The following DNPEP variants were observed in gnomAD, a reference collection of about 807,000 sequenced individuals.
The protein encoded by DNPEP is aspartyl aminopeptidase.
Under a neutral mutation model 59.1 loss-of-function variants are expected in DNPEP, and 46 were observed. That is an observed-to-expected ratio of 0.78 (90% confidence interval 0.61 to 0.99). The LOEUF (loss-of-function observed/expected upper bound fraction) is 0.99, where lower values mean the gene tolerates loss of function less well. Ranked by LOEUF, DNPEP falls within the 50% of genes least tolerant of loss-of-function variation. The pLI, the probability that DNPEP is intolerant of heterozygous loss-of-function variation, is 0.00. For missense variants in DNPEP, 617 were observed against 649.9 expected (o/e 0.95, Z 0.55); for synonymous variants, 229 against 242.2 (o/e 0.95, Z 0.50).
chr2:219,374,897 C>T lies in DNPEP; in HGVS notation c.1365G>A (p.Met455Ile), dbSNP rs1574967313. The change falls in exon 14 of 15, where the codon ATG becomes ATA. Residue 455 changes from methionine to isoleucine, a missense_variant. Transcript: ENST00000273075. ...TCTGGAGGACTCCTGTGGTGCAGGC[C>T]ATCTCCCGGATAGAGTGCATGGCCA... is the stretch of plus-strand genomic sequence containing the variant. ...PQLAMHSIRE[M>I]ACTTGVLQTL... 2.5e-6 allele frequency: 4 copies of T among 1,614,184 alleles called. No homozygotes were observed. The highest frequency in any genetic ancestry group is 3.4e-6 in the Non-Finnish European group (4 of 1,180,030).
At chr2:219,384,501 T>C in intron 8 of DNPEP, 58 bp from the exon 9 acceptor site, 1 of 1,474,156 alleles carries the variant, frequency 6.8e-7, no homozygotes, top group South Asian at 1.2e-5. Flanking sequence ...TCACCTTTCT[T>C]TTGCTCCCAA....
At chr2:219,398,751 C>G (rs1954138275) in intron 1 of DNPEP, among the ~76,000 whole-genome samples, 1 of 152,222 alleles carries the variant, frequency 6.6e-6, no homozygotes, top group Admixed American at 6.5e-5. Context: ...TGAGGGTTTT[C>G]AGGCCCTGTG....
chr2:219,386,870 A>ACCCCC, intron 3 of DNPEP, 22 bp downstream of exon 3: 2 of 1,431,924 alleles, frequency 1.4e-6, no homozygotes, highest in Non-Finnish European at 2.0e-6. Flanking sequence ...CTGCCTTTCC[A>ACCCCC]CCCCCACCCC....
chr2:219,378,162 GTAAATTATTA>G (rs1953448604), intron 13 of DNPEP, among the ~76,000 whole-genome samples: 1 of 152,178 alleles, frequency 6.6e-6, no homozygotes, highest in African/African-American at 2.4e-5. Context: ...TACTTCTGCT[GTAAATTATTA>G]AAGAAAAATC....
upstream of DNPEP, chr2:219,388,047 C>A: frequency 1.3e-6 from 1 of 762,918 alleles, no homozygotes; most frequent in Non-Finnish European, 1.8e-6. Flanking sequence ...TCGCTGGGCA[C>A]CACCACCCGC....
Position 219,373,087 on chromosome 2 carries a change from T to G in DNPEP, c.*1205A>C. On this transcript the variant is annotated 3_prime_UTR_variant, in exon 15 of 15. Coordinates refer to ENST00000273075, the MANE Select transcript of DNPEP (RefSeq NM_012100.4). ...CTTTTTCTTTTTCTTTTTTTTTTTTTGAGAGAGTTTCACCCTTGTTGCCCA... is the reference window on the plus strand; with the variant it reads ...CTTTTTCTTTTTCTTTTTTTTTTTTGGAGAGAGTTTCACCCTTGTTGCCCA... Among the ~76,000 whole-genome samples, 2 of 151,744 alleles carry G rather than the reference T, an allele frequency of 1.3e-5. No individual in the cohort carries two copies. The highest frequency in any genetic ancestry group is 3.9e-4 in the East Asian group (2 of 5,160).
rs141624834 is a variant in DNPEP at position 219,374,409 on chromosome 2, C to A, written c.1408-67G>T. 3.0e-4 allele frequency: 429 copies of A among 1,410,862 alleles called. 1 individual carries two copies. In the African/African-American group the frequency reaches 5.4e-3, roughly 18 times the overall value. The allele number at this position is 1,410,862 out of a possible 1,614,324, so 87.4% of individuals were successfully genotyped here. ...CCAGATGGAGATGTCCTGCCACCCA[C>A]CTCCCACCAACATATGTTCCAGCAA... On this transcript the variant is annotated intron_variant, in intron 14 of 14. Transcript: ENST00000273075.
chr2:219,395,109 C>A (rs1385670386), intron 1 of DNPEP, among the ~76,000 whole-genome samples: 1 of 152,044 alleles, frequency 6.6e-6, no homozygotes, highest in Non-Finnish European at 1.5e-5. Context: ...CCACCATGCC[C>A]AGCTAATTTT....
At chr2:219,376,767 G>T (rs527550337) in intron 13 of DNPEP, among the ~76,000 whole-genome samples, 3 of 152,162 alleles carry the variant, frequency 2.0e-5, no homozygotes, top group Non-Finnish European at 2.9e-5. Context: ...AAGGATTATT[G>T]TAAGTGTTAA....
chr2:219,385,301 G>A (rs1013041281), intron 8 of DNPEP, 123 bp downstream of exon 8: 10 of 645,712 alleles, frequency 1.5e-5, no homozygotes, highest in Admixed American at 2.7e-5. Flanking sequence ...TGTCTACTGG[G>A]AAAAACGGGG....
At chr2:219,395,282 G>A (rs1283049141) in intron 1 of DNPEP, among the ~76,000 whole-genome samples, 1 of 152,154 alleles carries the variant, frequency 6.6e-6, no homozygotes, top group East Asian at 1.9e-4. Context: ...TTACATACAA[G>A]ATGGTCCAGT....
At chr2:219,378,971 G>A (rs947544030) in intron 13 of DNPEP, among the ~76,000 whole-genome samples, 8 of 152,324 alleles carry the variant, frequency 5.3e-5, no homozygotes, top group Non-Finnish European at 1.2e-4. Context: ...AGGCTGGAGT[G>A]CAATGGCACC....
rs781201677 is a variant in DNPEP at position 219,382,074 on chromosome 2, T to C, written c.1002A>G (p.Ser334=). Residue 334 remains serine (S), a synonymous_variant, in exon 11 of 15, where the codon TCA becomes TCG. Coordinates refer to ENST00000273075, the MANE Select transcript of DNPEP (RefSeq NM_012100.4). ...AGGCTGTCGGGTGCTGGCACGAGGCTGAGATCCGCCGCAGCACCAGCTCTG... is the reference window on the plus strand; with the variant it reads ...AGGCTGTCGGGTGCTGGCACGAGGCCGAGATCCGCCGCAGCACCAGCTCTG... ...LLTELVLRRI[S]ASCQHPTAFE... 6 of 1,613,428 alleles carry C rather than the reference T, an allele frequency of 3.7e-6. No homozygotes were observed. The highest frequency in any genetic ancestry group is 2.7e-5 in the African/African-American group (2 of 74,926).
chr2:219,391,912 A>G (rs1954022534), upstream of DNPEP, among the ~76,000 whole-genome samples: 2 of 152,110 alleles, frequency 1.3e-5, no homozygotes, highest in Admixed American at 1.3e-4. Flanking sequence ...ATTGTTACAG[A>G]AAAGAATTCC....
At chr2:219,376,242 C>G (rs146580499) in intron 13 of DNPEP, among the ~76,000 whole-genome samples, 68 of 152,284 alleles carry the variant, frequency 4.5e-4, no homozygotes, top group African/African-American at 1.6e-3. Flanking sequence ...AATCCCAGCA[C>G]TTTGGGAGGC....
chr2:219,386,350 C>G lies in DNPEP; in HGVS notation c.395G>C (p.Gly132Ala). The part of the protein sequence containing the change: ...GFQQVGVETY[G>A]GGIWSTWFDR... ...AAACCAGGTGCTCCAGATCCCACCACCATAGGTCTCCACACCGACTTGCTG... is the reference window on the plus strand; with the variant it reads ...AAACCAGGTGCTCCAGATCCCACCAGCATAGGTCTCCACACCGACTTGCTG... Residue 132 changes from glycine to alanine, a missense_variant, in exon 5 of 15, where the codon GGT becomes GCT. By Grantham distance (60) the Gly-to-Ala change is moderately conservative. Coordinates refer to ENST00000273075, the MANE Select transcript of DNPEP (RefSeq NM_012100.4). 6.2e-7 allele frequency: 1 copy of G among 1,614,206 alleles called. No homozygotes were observed. Among genetic ancestry groups the G allele is most frequent in the Admixed American group, 1.7e-5 (1 of 60,022 alleles).
In DNPEP at chr2:219,374,905, G is replaced by A. The variant is rs186512962; in HGVS notation, c.1357C>T (p.Arg453Trp). Residue 453 changes from arginine to tryptophan, a missense_variant, in exon 14 of 15, where the codon CGG becomes TGG. Transcript: ENST00000273075. ...GSPQLAMHSI[R>W]EMACTTGVLQ... ...ACTCCTGTGGTGCAGGCCATCTCCC[G>A]GATAGAGTGCATGGCCAGTTGGGGG... The A allele has an allele frequency of 9.9e-6, 16 of 1,614,166 alleles. No individual in the cohort carries two copies. Among genetic ancestry groups the A allele is most frequent in the East Asian group, 4.5e-5 (2 of 44,880 alleles).
Position 219,386,482 on chromosome 2 carries a change from T to C in DNPEP, c.334-71A>G, listed in dbSNP as rs1953841868. On this transcript the variant is annotated intron_variant, in intron 4 of 14. Coordinates refer to ENST00000273075, the MANE Select transcript of DNPEP (RefSeq NM_012100.4). Reference sequence around the variant, plus strand: ...GTGGAGATGAGACTTTGGCTACTCATAAGTAACAGACAGCGAATATTAGTG... The same window carrying C: ...GTGGAGATGAGACTTTGGCTACTCACAAGTAACAGACAGCGAATATTAGTG... The C allele has an allele frequency of 3.1e-6, 5 of 1,600,860 alleles. No individual in the cohort carries two copies. The South Asian group carries it at 4.4e-5, about 14-fold the overall frequency.
chr2:219,387,767 C>A lies in DNPEP; in HGVS notation c.28G>T (p.Ala10Ser). The A allele has an allele frequency of 1.9e-6, 3 of 1,605,858 alleles. No individual in the cohort carries two copies. Among genetic ancestry groups the A allele is most frequent in the Non-Finnish European group, 2.5e-6 (3 of 1,176,818 alleles). Residue 10 changes from alanine to serine, a missense_variant, in exon 1 of 15, where the codon GCC becomes TCC. By Grantham distance (99) the Ala-to-Ser change is moderately conservative. Transcript: ENST00000273075. MSGHSPTRGAMQVAMNGKAR... is the reference protein window; with the variant it reads MSGHSPTRGSMQVAMNGKAR... ...CGTCGGGAGCCACTTACCTGCATGGCCCCGCGCGTGGGGCTGTGTCCGCTC... is the reference window on the plus strand; with the variant it reads ...CGTCGGGAGCCACTTACCTGCATGGACCCGCGCGTGGGGCTGTGTCCGCTC...
Sources: gnomAD v4.1 joint callset for allele counts (sites outside exome capture counted in the v4.1 genomes callset) on GRCh38, gnomAD v4.1.1 for gene constraint, MANE v1.5 for transcripts, NCBI Gene and HGNC (gene_info 2026-07-23, HGNC 2026-07-21) for gene names.